The following MYLK variants were observed in gnomAD, a reference collection of about 807,000 sequenced individuals.
MYLK encodes the protein myosin light chain kinase.
Under a neutral mutation model 203.4 loss-of-function variants are expected in MYLK, and 106 were observed. The observed-to-expected ratio is 0.52, with a 90% CI of 0.45 to 0.61. The LOEUF (loss-of-function observed/expected upper bound fraction) is 0.61. Ranked by LOEUF, MYLK falls within the 20% of genes least tolerant of loss-of-function variation. The probability of loss-of-function intolerance (pLI) is 0.00; values close to 1 mark genes in which losing one functional copy is unlikely to be tolerated. For synonymous variants in MYLK, 867 were observed against 959.5 expected, an observed-to-expected ratio of 0.90 and a Z score of 1.78; for missense variants, 2,072 against 2,442.3, an observed-to-expected ratio of 0.85 and a Z score of 3.20.
intron 3 of MYLK, among the ~76,000 whole-genome samples, chr3:123,796,499 T>C (rs2064992326): frequency 6.6e-6 from 1 of 152,212 alleles, no homozygotes; most frequent in African/African-American, 2.4e-5. Context: ...AAAATTAAAA[T>C]ATTCTGTAAT....
At chr3:123,711,541 G>C (rs2061694686) in intron 13 of MYLK, among the ~76,000 whole-genome samples, 1 of 152,310 alleles carries the variant, frequency 6.6e-6, no homozygotes, top group Middle Eastern at 3.4e-3. Context: ...TGAAGGGGAG[G>C]GGACTGCAGA....
chr3:123,814,040 C>G (rs1443997222), intron 3 of MYLK: 1 of 215,944 alleles, frequency 4.6e-6, no homozygotes, highest in African/African-American at 2.3e-5. Flanking sequence ...CTCCCTAAGT[C>G]TAGACACAAG....
chr3:123,772,771 TAATC>T (rs1209532979), intron 4 of MYLK, among the ~76,000 whole-genome samples: 2 of 151,994 alleles, frequency 1.3e-5, no homozygotes, highest in Admixed American at 6.5e-5. Context: ...TGTTTAAAAT[TAATC>T]AAACAAACGT....
At chr3:123,866,450 A>C (rs1228152996) in intron 2 of MYLK, among the ~76,000 whole-genome samples, 1 of 152,238 alleles carries the variant, frequency 6.6e-6, no homozygotes, top group African/African-American at 2.4e-5. Flanking sequence ...GAATTGGATA[A>C]AAATCCTTGC....
intron 1 of MYLK, among the ~76,000 whole-genome samples, chr3:123,881,166 A>G (rs2033510477): frequency 6.6e-6 from 1 of 152,172 alleles, no homozygotes; most frequent in African/African-American, 2.4e-5. Flanking sequence ...CACAGGGAAG[A>G]GATAGAAGTC....
chr3:123,740,341 T>C (rs953370051), intron 5 of MYLK, among the ~76,000 whole-genome samples: 5 of 152,230 alleles, frequency 3.3e-5, no homozygotes, highest in African/African-American at 1.2e-4. Flanking sequence ...TCAACCACCC[T>C]GCTGAGTTGT....
intron 23 of MYLK, among the ~76,000 whole-genome samples, chr3:123,661,822 C>T (rs2059572821): frequency 6.6e-6 from 1 of 152,192 alleles, no homozygotes; most frequent in African/African-American, 2.4e-5. Flanking sequence ...TCCCGGGTCC[C>T]CTGTGTCCAG....
chr3:123,736,508 C>A (rs1017776889), intron 8 of MYLK, among the ~76,000 whole-genome samples: 2 of 152,032 alleles, frequency 1.3e-5, no homozygotes, highest in Admixed American at 6.6e-5. Flanking sequence ...TCAGCCCGGA[C>A]TTGAGGAACC....
At position 123,612,209 on chromosome 3, in the gene MYLK, G is replaced by C. The variant is rs2057263154; in HGVS notation, c.*1896C>G. 1 of 152,584 alleles carries C rather than the reference G, an allele frequency of 6.6e-6. No homozygotes were observed. Among genetic ancestry groups the C allele is most frequent in the Non-Finnish European group, 1.5e-5 (1 of 68,026 alleles). 9.5% of individuals were successfully genotyped at this position (152,584 alleles called of 1,614,324 possible). Reference sequence around the variant, plus strand: ...CACATAAGCCAGTTCTTCACATCTAGGCACCACAGTGTTTGTTTTTCATTT... The same window carrying C: ...CACATAAGCCAGTTCTTCACATCTACGCACCACAGTGTTTGTTTTTCATTT... On this transcript the variant is annotated 3_prime_UTR_variant, in exon 34 of 34. Transcript: ENST00000360304.
At position 123,814,236 on chromosome 3, in the gene MYLK, A is replaced by G. The variant is rs879222762; in HGVS notation, c.-4+17312T>C. Reference sequence around the variant, plus strand: ...CTCTAGAAAAACAAAAGACAAAGGTATCTTCCCCGGCCACATTCACCCTAT... The same window carrying G: ...CTCTAGAAAAACAAAAGACAAAGGTGTCTTCCCCGGCCACATTCACCCTAT... On this transcript the variant is annotated intron_variant, in intron 3 of 33. Transcript: ENST00000360304. 23 of 225,974 alleles carry G rather than the reference A, an allele frequency of 1.0e-4. 1 individual carries two copies. The South Asian group carries it at 1.2e-3, about 12-fold the overall frequency. The allele number at this position is 225,974 out of a possible 1,614,324, so 14.0% of individuals were successfully genotyped here. A position where few individuals can be genotyped will look rare whatever the true frequency, so the allele number is the denominator to read the frequency against.
chr3:123,857,282 T>C (rs1163004482), intron 2 of MYLK, among the ~76,000 whole-genome samples: 3 of 152,150 alleles, frequency 2.0e-5, no homozygotes, highest in East Asian at 1.9e-4. Flanking sequence ...TTTGACCCAG[T>C]CATCCCATTA....
chr3:123,746,865 AAAAGCATTTATAAAGAACATAAAT>A (rs1410796461), intron 5 of MYLK, among the ~76,000 whole-genome samples: 5 of 152,198 alleles, frequency 3.3e-5, no homozygotes, highest in African/African-American at 9.6e-5. Context: ...TTAGAGGTTG[AAAAGCATTTATAAAGAACATAAAT>A]GGGAAATATA....
chr3:123,774,092 C>A (rs1026562190), intron 4 of MYLK, among the ~76,000 whole-genome samples: 4 of 152,110 alleles, frequency 2.6e-5, no homozygotes, highest in Non-Finnish European at 5.9e-5. Context: ...TGGGCGCCAA[C>A]CTTCTCCCCA....
chr3:123,613,689 A>C lies in MYLK; in HGVS notation c.*416T>G, dbSNP rs1009792448. The C allele has an allele frequency of 1.3e-5, 3 of 227,522 alleles. No homozygotes were observed. The highest frequency in any genetic ancestry group is 2.6e-5 in the Non-Finnish European group (3 of 114,350). 14.1% of individuals were successfully genotyped at this position (227,522 alleles called of 1,614,324 possible). A position where few individuals can be genotyped will look rare whatever the true frequency, so the allele number is the denominator to read the frequency against. On this transcript the variant is annotated 3_prime_UTR_variant, in exon 34 of 34. Transcript: ENST00000360304. Reference sequence around the variant, plus strand: ...AGTTCTCTAGAGTCAGGGGGTGGGGAGAGAGAGGCCTCCCATCCCCAGGAA... The same window carrying C: ...AGTTCTCTAGAGTCAGGGGGTGGGGCGAGAGAGGCCTCCCATCCCCAGGAA...
chr3:123,620,390 G>T, intron 31 of MYLK, 54 bp from the exon 32 acceptor site: 1 of 1,612,380 alleles, frequency 6.2e-7, no homozygotes, highest in East Asian at 2.2e-5. Flanking sequence ...TTCCAGCTGG[G>T]TAGTGCGAGG....
intron 4 of MYLK, among the ~76,000 whole-genome samples, chr3:123,765,621 T>C (rs1255019021): frequency 2.0e-5 from 3 of 151,690 alleles, no homozygotes; most frequent in South Asian, 2.1e-4. Context: ...ATCCAGATAG[T>C]GGAAGCAACC....
At chr3:123,708,996 C>CAACT in intron 14 of MYLK, 101 bp from the exon 15 acceptor site, 6 of 962,396 alleles carry the variant, frequency 6.2e-6, no homozygotes, top group Non-Finnish European at 9.8e-6. Context: ...AACACTCCAA[C>CAACT]AACTCTCTAT....
At chr3:123,731,499 T>C (rs2062472921) in intron 11 of MYLK, among the ~76,000 whole-genome samples, 1 of 152,194 alleles carries the variant, frequency 6.6e-6, no homozygotes, top group South Asian at 2.1e-4. Flanking sequence ...TTAGCATCAG[T>C]CTACAGGATG....
chr3:123,813,800 C>A (rs2065645769), intron 3 of MYLK, among the ~76,000 whole-genome samples: 1 of 152,164 alleles, frequency 6.6e-6, no homozygotes, highest in African/African-American at 2.4e-5. Context: ...CATGAGCCAC[C>A]ATGCCCGGAC....
Sources: allele counts gnomAD v4.1 joint callset (sites outside exome capture counted in the v4.1 genomes callset), GRCh38; gene constraint gnomAD v4.1.1; transcripts MANE v1.5; gene names NCBI Gene and HGNC (gene_info 2026-07-23, HGNC 2026-07-21).